Variants in SEMA4D observed in about 807,000 individuals in gnomAD.
SEMA4D encodes semaphorin 4D.
SEMA4D carries 22 observed loss-of-function variants against 74.8 expected under a neutral mutation model. That is an observed-to-expected ratio of 0.29 (90% CI 0.21 to 0.42). The LOEUF is 0.42. SEMA4D is among the 10% of genes least tolerant of loss of function. SEMA4D has a pLI of 1.00. For missense variants in SEMA4D, 937 were observed against 1,118.4 expected (o/e 0.84, Z 2.31); for synonymous variants, 445 against 463.7 (o/e 0.96, Z 0.52).
intron 12 of SEMA4D, 74 bp downstream of exon 12, chr9:89,387,311 TG>T (rs1838747825): frequency 1.6e-6 from 2 of 1,285,980 alleles, no homozygotes; most frequent in African/African-American, 3.0e-5. Context: ...AAAGAATAAT[TG>T]GATTTCCCAG....
At chr9:89,463,283 T>C (rs1214467670) in intron 1 of SEMA4D, among the ~76,000 whole-genome samples, 2 of 152,204 alleles carry the variant, frequency 1.3e-5, no homozygotes, top group Non-Finnish European at 2.9e-5. Flanking sequence ...AGCTGCTCCC[T>C]GCATTTGCAG....
At chr9:89,363,749 A>C (rs988155931) in exon 17 of SEMA4D, 7 of 1,612,592 alleles carry the variant, frequency 4.3e-6, no homozygotes, top group Non-Finnish European at 5.1e-6. Flanking sequence ...ACCAGGTCTC[A>C]TCACAGCAAC....
Position 89,492,314 on chromosome 9 carries a change from C to T in SEMA4D, c.-310+5605G>A, listed in dbSNP as rs867867421. 6.6e-6 allele frequency among the ~76,000 whole-genome samples: 1 copy of T among 152,194 alleles called. No homozygotes were observed. On this transcript the variant is annotated intron_variant, in intron 1 of 15. Transcript: ENST00000422704. This position sits in a 1 kb window ranked among gnomAD's most constrained non-coding sequence, Gnocchi z 4.3. ...CTCAGAACCCTCTGGTTATCCCCTA[C>T]CTCGCTGGCCGCACCTTCTTGGTTT...
At position 89,460,306 on chromosome 9, in the gene SEMA4D, C is replaced by T. The variant is rs116558222; in HGVS notation, c.-309-4353G>A. Among the ~76,000 whole-genome samples, 817 of 150,372 alleles carry T rather than the reference C, an allele frequency of 5.4e-3. 6 individuals are homozygous for T. Among genetic ancestry groups the T allele is most frequent in the African/African-American group, 0.019 (779 of 40,778 alleles). ...TATCCCACCTCTGGTTCTTCGAAGCCTCATCTACACCACCCTACAAAGAAA... is the reference window on the plus strand; with the variant it reads ...TATCCCACCTCTGGTTCTTCGAAGCTTCATCTACACCACCCTACAAAGAAA... On this transcript the variant is annotated intron_variant, in intron 1 of 15. Transcript: ENST00000422704.
chr9:89,365,463 GCCAT>G (rs1833487971), intron 16 of SEMA4D: 2 of 152,312 alleles, frequency 1.3e-5, no homozygotes, highest in African/African-American at 2.4e-5. Flanking sequence ...CCCCAAATGG[GCCAT>G]GGGCCACCTA....
At chr9:89,375,306 G>A (rs2132553636), downstream of SEMA4D, among the ~76,000 whole-genome samples, 1 of 152,320 alleles carries the variant, frequency 6.6e-6, no homozygotes, top group African/African-American at 2.4e-5. Context: ...GCACCATTCA[G>A]CTGTGAGAGC....
At chr9:89,364,025 G>T in intron 16 of SEMA4D, 1 of 1,612,476 alleles carries the variant, frequency 6.2e-7, no homozygotes, top group South Asian at 1.1e-5. Flanking sequence ...GGGTGCAGGG[G>T]GGTTACCTCT....
At chr9:89,449,731 A>G in intron 2 of SEMA4D, 2 of 1,515,630 alleles carry the variant, frequency 1.3e-6, no homozygotes, top group Non-Finnish European at 9.1e-7. Flanking sequence ...GTGATTATGC[A>G]AGAAACAGGG....
At chr9:89,463,548 T>G (rs1266341160) in intron 1 of SEMA4D, among the ~76,000 whole-genome samples, 1 of 152,190 alleles carries the variant, frequency 6.6e-6, no homozygotes, top group Non-Finnish European at 1.5e-5. Context: ...GCTTTTTCAT[T>G]TTCGCAGCAG....
intron 2 of SEMA4D, among the ~76,000 whole-genome samples, chr9:89,434,836 T>G (rs1850047315): frequency 6.6e-6 from 1 of 152,132 alleles, no homozygotes. Context: ...TGTCAGGGAA[T>G]GTAGAGGGGA....
chr9:89,482,552 G>A (rs183157312), intron 1 of SEMA4D, among the ~76,000 whole-genome samples: 15 of 152,338 alleles, frequency 9.8e-5, no homozygotes, highest in Non-Finnish European at 2.1e-4. Flanking sequence ...CCAGCAGCAA[G>A]GAGAGGGCCC....
At chr9:89,385,003 G>C in intron 13 of SEMA4D, 2 of 985,402 alleles carry the variant, frequency 2.0e-6, no homozygotes, top group South Asian at 9.4e-5. Context: ...AGAGACAGGC[G>C]GGTCGGGTGG....
intron 1 of SEMA4D, among the ~76,000 whole-genome samples, chr9:89,466,235 T>C (rs921991250): frequency 6.6e-6 from 1 of 152,048 alleles, no homozygotes; most frequent in Admixed American, 6.5e-5. Context: ...CAAACATAAT[T>C]TCCCCTGACT....
intron 1 of SEMA4D, among the ~76,000 whole-genome samples, chr9:89,469,472 A>C (rs1859635760): frequency 1.3e-5 from 2 of 152,212 alleles, no homozygotes; most frequent in South Asian, 4.1e-4. Flanking sequence ...AAGACATTAC[A>C]AGAAGACTAT....
chr9:89,373,429 G>A (rs1397292647), downstream of SEMA4D, among the ~76,000 whole-genome samples: 1 of 152,114 alleles, frequency 6.6e-6, no homozygotes, highest in African/African-American at 2.4e-5. Flanking sequence ...CACCAGCTCT[G>A]GGGCAGACCC....
At chr9:89,375,627 G>C (rs1460367255), downstream of SEMA4D, among the ~76,000 whole-genome samples, 1 of 152,162 alleles carries the variant, frequency 6.6e-6, no homozygotes, top group Non-Finnish European at 1.5e-5. Flanking sequence ...CCTCCCCCGG[G>C]GCAGGCTCTA....
intron 2 of SEMA4D, among the ~76,000 whole-genome samples, chr9:89,442,409 G>A (rs146562553): frequency 1.7e-3 from 254 of 152,210 alleles, no homozygotes; most frequent in African/African-American, 5.8e-3. Context: ...GGAAGAATAC[G>A]GACCTCATTA....
intron 1 of SEMA4D, among the ~76,000 whole-genome samples, chr9:89,477,754 T>C (rs115457228): frequency 1.2e-4 from 19 of 152,346 alleles, no homozygotes; most frequent in Non-Finnish European, 2.5e-4. Context: ...GTTCACTCTT[T>C]GCTTTCTGTC....
intron 1 of SEMA4D, among the ~76,000 whole-genome samples, chr9:89,494,090 A>C (rs1825824042): frequency 6.6e-6 from 1 of 152,216 alleles, no homozygotes; most frequent in Non-Finnish European, 1.5e-5. Context: ...ATGGAAGCCA[A>C]TTCATCTGTT....
Sources: gnomAD v4.1 joint callset for allele counts (sites outside exome capture counted in the v4.1 genomes callset) on GRCh38, gnomAD v4.1.1 for gene constraint, Gnocchi (gnomAD v3.1) non-coding constraint, MANE v1.5 for transcripts, NCBI Gene and HGNC (gene_info 2026-07-23, HGNC 2026-07-21) for gene names.